Variants in NRDC observed in about 807,000 individuals in gnomAD.
The protein encoded by NRDC is nardilysin convertase.
A neutral mutation model predicts 147.1 loss-of-function variants in NRDC; 54 were observed. That is an observed-to-expected ratio of 0.37 (90% CI 0.29 to 0.46). The LOEUF is 0.46. Ranked by LOEUF, NRDC falls within the 20% of genes least tolerant of loss-of-function variation. The pLI is 1.00. For synonymous variants in NRDC, 440 were observed against 482.1 expected, an observed-to-expected ratio of 0.91 and a Z score of 1.14; for missense variants, 1,082 against 1,370.6, an observed-to-expected ratio of 0.79 and a Z score of 3.33.
At chr1:51,878,233 C>G in intron 1 of NRDC, 42 bp downstream of exon 1, 2 of 1,564,708 alleles carry the variant, frequency 1.3e-6, no homozygotes, top group Non-Finnish European at 1.7e-6. Flanking sequence ...ACAGAGAAGC[C>G]GGCACACTGT....
chr1:51,878,612 G>A lies in NRDC; in HGVS notation c.4C>T (p.Leu2=), dbSNP rs1039203768. 1.2e-5 allele frequency: 19 copies of A among 1,609,430 alleles called. No individual in the cohort carries two copies. The highest frequency in any genetic ancestry group is 1.6e-5 in the Non-Finnish European group (19 of 1,178,098). The change falls in exon 1 of 31, where the codon CTG becomes TTG. Residue 2 remains leucine, a synonymous_variant. Coordinates refer to ENST00000352171, the MANE Select transcript of NRDC (RefSeq NM_001101662.2). M[L]RRVTVAAVCA... is the part of the protein sequence containing the mutation. ...ACTGCAGCAACAGTGACTCTCCTCA[G>A]CATTCACCACCAAGCTGGAGCGATG...
At chr1:51,856,718 T>C (rs976429231) in intron 1 of NRDC, among the ~76,000 whole-genome samples, 1 of 152,032 alleles carries the variant, frequency 6.6e-6, no homozygotes, top group Non-Finnish European at 1.5e-5. Context: ...AATATCAGCA[T>C]TCCTTCCTCC....
intron 11 of NRDC, 51 bp from the exon 12 acceptor site, chr1:51,814,864 T>A (rs1679886884): frequency 6.7e-7 from 1 of 1,493,230 alleles, no homozygotes; most frequent in Admixed American, 2.4e-5. Flanking sequence ...ATTGACAGTC[T>A]ACAGACATTC....
At chr1:51,869,397 T>G (rs902086630) in intron 1 of NRDC, among the ~76,000 whole-genome samples, 1 of 152,178 alleles carries the variant, frequency 6.6e-6, no homozygotes, top group Admixed American at 6.5e-5. Flanking sequence ...CCCAGAGAAA[T>G]GAGCTTGCTG....
At chr1:51,805,430 A>T in intron 19 of NRDC, 80 bp downstream of exon 19, 1 of 1,106,382 alleles carries the variant, frequency 9.0e-7, no homozygotes, top group Non-Finnish European at 1.3e-6. Flanking sequence ...AGAGAAAATG[A>T]CAGAATGATT....
chr1:51,854,994 G>A (rs1380083640), intron 1 of NRDC, among the ~76,000 whole-genome samples: 1 of 152,144 alleles, frequency 6.6e-6, no homozygotes, highest in Non-Finnish European at 1.5e-5. Context: ...ATACCCATGA[G>A]CCAGTGCTAA....
intron 1 of NRDC, among the ~76,000 whole-genome samples, chr1:51,850,475 T>A (rs1681894225): frequency 6.6e-6 from 1 of 152,214 alleles, no homozygotes; most frequent in Non-Finnish European, 1.5e-5. Context: ...TAAGGGCCTG[T>A]GGGCCCCTAA....
chr1:51,846,687 G>A lies in NRDC; in HGVS notation c.342-6173C>T, dbSNP rs191405769. Reference sequence around the variant, plus strand: ...CATAAAGGTAGTGAGAACCCAAAAAGTGAACACCAACAAGATTTATCGCCA... The same window carrying A: ...CATAAAGGTAGTGAGAACCCAAAAAATGAACACCAACAAGATTTATCGCCA... On this transcript the variant is annotated intron_variant, in intron 1 of 30. Transcript: ENST00000352171. Among the ~76,000 whole-genome samples the A allele has an allele frequency of 2.4e-3, 360 of 152,342 alleles. 1 individual carries two copies. The highest frequency in any genetic ancestry group is 5.4e-3 in the South Asian group (26 of 4,830).
At chr1:51,856,461 C>A (rs1354289144) in intron 1 of NRDC, among the ~76,000 whole-genome samples, 1 of 152,174 alleles carries the variant, frequency 6.6e-6, no homozygotes, top group East Asian at 1.9e-4. Context: ...AGTTGGGGTT[C>A]CCACGACCTC....
Position 51,800,930 on chromosome 1 carries a change from G to A in NRDC, c.2314-247C>T, listed in dbSNP as rs55691395. ...ATCGACTGTAATTCATTATAACCTCGAATGCCTAGGCTCTAGCCATACTCC... is the reference window on the plus strand; with the variant it reads ...ATCGACTGTAATTCATTATAACCTCAAATGCCTAGGCTCTAGCCATACTCC... On this transcript the variant is annotated intron_variant, in intron 20 of 30. Transcript: ENST00000352171. 203 of 371,764 alleles carry A rather than the reference G, an allele frequency of 5.5e-4. 1 individual carries two copies. Among genetic ancestry groups the A allele is most frequent in the African/African-American group, 3.9e-3 (191 of 48,440 alleles). 23.0% of individuals were successfully genotyped at this position (371,764 alleles called of 1,614,324 possible). A position where few individuals can be genotyped will look rare whatever the true frequency, so the allele number is the denominator to read the frequency against.
chr1:51,833,482 C>T (rs892994081), intron 4 of NRDC, among the ~76,000 whole-genome samples: 2 of 147,954 alleles, frequency 1.4e-5, no homozygotes, highest in Admixed American at 6.7e-5. Flanking sequence ...ACAGAGAATA[C>T]ATAATTAATA....
chr1:51,836,575 G>C (rs993392692), intron 2 of NRDC: 1 of 689,162 alleles, frequency 1.5e-6, no homozygotes, highest in Non-Finnish European at 2.5e-6. Flanking sequence ...GGAAATCTGC[G>C]GAAGTAACAT....
rs60495773 is a variant in NRDC at position 51,871,515 on chromosome 1, T to TAAAAA, written c.341+6755_341+6759dup. On this transcript the variant is annotated intron_variant, in intron 1 of 30. Transcript: ENST00000352171. ...CAAGAATTCTCCTCCACTGGTTCAT[T>TAAAAA]AAAAAAAAAAAAAAAAAAAAAAAAA... Among the ~76,000 whole-genome samples the TAAAAA allele has an allele frequency of 4.7e-3, 99 of 21,022 alleles. 5 individuals are homozygous for TAAAAA. The highest frequency in any genetic ancestry group is 6.5e-3 in the Non-Finnish European group (71 of 10,942). 13.8% of individuals were successfully genotyped at this position (21,022 alleles called of 152,430 possible).
rs539992980 is a variant in NRDC at position 51,869,308 on chromosome 1, CTTTA to C, written c.341+8963_341+8966del. On this transcript the variant is annotated intron_variant, in intron 1 of 30. Transcript: ENST00000352171. ...TCCCTGTGATGACCACATAATACTT[CTTTA>C]TTGTTATTTAACACTTATCTTCTTG... Among the ~76,000 whole-genome samples the C allele has an allele frequency of 5.4e-3, 818 of 152,224 alleles. 11 individuals carry two copies. Among genetic ancestry groups the C allele is most frequent in the Non-Finnish European group, 6.3e-3 (425 of 68,000 alleles).
chr1:51,827,896 C>T, intron 4 of NRDC, 27 bp from the exon 5 acceptor site: 1 of 1,595,072 alleles, frequency 6.3e-7, no homozygotes, highest in Non-Finnish European at 8.6e-7. Context: ...ACTGGCATTT[C>T]CGTTTTTGTT....
intron 14 of NRDC, 92 bp from the exon 15 acceptor site, chr1:51,812,190 A>T: frequency 1.1e-6 from 1 of 891,492 alleles, no homozygotes; most frequent in Non-Finnish European, 1.8e-6. Flanking sequence ...TTTCTTATTA[A>T]CAATAAAACC....
chr1:51,878,484 G>C lies in NRDC; in HGVS notation c.132C>G (p.Pro44=). 2 of 1,613,968 alleles carry C rather than the reference G, an allele frequency of 1.2e-6. No individual in the cohort carries two copies. Among genetic ancestry groups the C allele is most frequent in the Non-Finnish European group, 1.7e-6 (2 of 1,180,024 alleles). The change falls in exon 1 of 31, where the codon CCC becomes CCG. Residue 44 remains proline (P), a synonymous_variant. Transcript: ENST00000352171. ...TTCCAGGCATGGCCAGAATAGGAAA[G>C]GGTCTGGCAGCAGCAGAGTCTTCGC... ...GRCEDSAAAR[P]FPILAMPGRN...
At chr1:51,860,757 C>A (rs996253225) in intron 1 of NRDC, among the ~76,000 whole-genome samples, 1 of 152,102 alleles carries the variant, frequency 6.6e-6, no homozygotes, top group Admixed American at 6.5e-5. Flanking sequence ...CCTACAAGAA[C>A]CTTCCTTTCT....
chr1:51,810,979 A>C (rs941367942), intron 15 of NRDC, among the ~76,000 whole-genome samples: 6 of 152,242 alleles, frequency 3.9e-5, no homozygotes, highest in South Asian at 2.1e-4. Context: ...AAACACTGCC[A>C]AGATAGGGCC....
Sources: allele counts gnomAD v4.1 joint callset (sites outside exome capture counted in the v4.1 genomes callset), GRCh38; gene constraint gnomAD v4.1.1; transcripts MANE v1.5; gene names NCBI Gene and HGNC (gene_info 2026-07-23, HGNC 2026-07-21).